SOCS5: variants seen among roughly 807,000 people sequenced by gnomAD.
The protein encoded by SOCS5 is CIS-6.
A neutral mutation model predicts 42.8 loss-of-function variants in SOCS5; 32 were observed. That is an observed-to-expected ratio of 0.75 (90% confidence interval 0.56 to 1.01). The LOEUF (loss-of-function observed/expected upper bound fraction) is 1.01. Among genes scored for constraint, SOCS5 ranks in the 50% least tolerant of loss-of-function variants. SOCS5 has a pLI of 0.00. For synonymous variants in SOCS5, 283 were observed against 229.6 expected (o/e 1.23, Z -2.10); for missense variants, 627 against 653.0 (o/e 0.96, Z 0.43).
At chr2:46,702,412 G>T (rs1553333984) in intron 1 of SOCS5, among the ~76,000 whole-genome samples, 2 of 152,114 alleles carry the variant, frequency 1.3e-5, no homozygotes, top group Non-Finnish European at 2.9e-5. Context: ...TAGAGTGAAT[G>T]TGTTACTGTT....
intron 1 of SOCS5, among the ~76,000 whole-genome samples, chr2:46,703,654 A>G (rs1426717005): frequency 6.6e-6 from 1 of 152,222 alleles, no homozygotes; most frequent in African/African-American, 2.4e-5. Context: ...AAAGATAATT[A>G]TGCCATTGTG....
chr2:46,744,464 G>A (rs181075481), intron 1 of SOCS5, among the ~76,000 whole-genome samples: 17 of 151,804 alleles, frequency 1.1e-4, no homozygotes, highest in African/African-American at 4.1e-4. Flanking sequence ...ATTACAGTTA[G>A]AACATAGAAA....
At chr2:46,720,188 G>A (rs1002529016) in intron 1 of SOCS5, among the ~76,000 whole-genome samples, 16 of 152,252 alleles carry the variant, frequency 1.1e-4, no homozygotes, top group African/African-American at 3.9e-4. Flanking sequence ...TCCAAGTAAA[G>A]TGATTAGTAC....
intron 1 of SOCS5, among the ~76,000 whole-genome samples, chr2:46,752,068 G>T (rs764444155): frequency 1.3e-5 from 2 of 152,130 alleles, no homozygotes; most frequent in Non-Finnish European, 2.9e-5. Flanking sequence ...AGACTGTACG[G>T]CCCACAAAAC....
intron 1 of SOCS5, among the ~76,000 whole-genome samples, chr2:46,734,492 T>TA: frequency 6.6e-6 from 1 of 152,216 alleles, no homozygotes; most frequent in East Asian, 1.9e-4. Flanking sequence ...TTCATTGGCC[T>TA]TAGTTCACTT....
chr2:46,759,515 A>T lies in SOCS5; in HGVS notation c.985A>T (p.Thr329Ser). 1 of 1,614,008 alleles carries T rather than the reference A, an allele frequency of 6.2e-7. No homozygotes were observed. The highest frequency in any genetic ancestry group is 8.5e-7 in the Non-Finnish European group (1 of 1,179,868). ...QANCDSEEDT[T>S]TLCLQSRRQK... ...TAATTGTGACTCGGAAGAGGATACA[A>T]CCACCCTGTGTTTGCAGTCACGGAG... Residue 329 changes from threonine to serine, a missense_variant, in exon 2 of 2, where the codon ACC (threonine) becomes TCC (serine). Physicochemically the swap from Thr to Ser is moderately conservative, Grantham distance 58 (BLOSUM62 1). Transcript: ENST00000394861.
intron 1 of SOCS5, among the ~76,000 whole-genome samples, chr2:46,746,467 C>T (rs910435020): frequency 4.6e-5 from 7 of 151,980 alleles, no homozygotes; most frequent in Admixed American, 2.0e-4. Flanking sequence ...CTGGCTAACA[C>T]GGTGAAAACC....
Position 46,747,096 on chromosome 2 carries a change from CAA to C in SOCS5, c.-12-11421_-12-11420del, listed in dbSNP as rs143855107. 3.3e-3 allele frequency among the ~76,000 whole-genome samples: 508 copies of C among 152,030 alleles called. 5 individuals are homozygous for C. Among genetic ancestry groups the C allele is most frequent in the African/African-American group, 0.012 (486 of 41,480 alleles). On this transcript the variant is annotated intron_variant, in intron 1 of 1. Transcript: ENST00000394861. ...TGAGCAAAGATTTTAATTACTGATT[CAA>C]AGTCTTTAACGGCTACTGATTTTTA...
chr2:46,726,426 T>C (rs951003993), intron 1 of SOCS5, among the ~76,000 whole-genome samples: 2 of 152,172 alleles, frequency 1.3e-5, no homozygotes, highest in African/African-American at 4.8e-5. Flanking sequence ...TTGGTTTCTC[T>C]GTGCTTCTAG....
In SOCS5 at chr2:46,758,455, C is replaced by G. The variant is rs1558414404; in HGVS notation, c.-12-64C>G. On this transcript the variant is annotated intron_variant, in intron 1 of 1. Coordinates refer to ENST00000394861, the MANE Select transcript of SOCS5 (RefSeq NM_144949.3). ...GGACGGGAAGGGGTGTGGGCACTGC[C>G]TTAGCTACCTTCACATGCTACTTTG... 3.4e-6 allele frequency: 4 copies of G among 1,167,186 alleles called. No individual in the cohort carries two copies. The Admixed American group carries it at 7.2e-5, about 21-fold the overall frequency. The allele number at this position is 1,167,186 out of a possible 1,614,324, so 72.3% of individuals were successfully genotyped here.
rs1423909762 is a variant in SOCS5, at chr2:46,699,490, C to T, written c.-13+41C>T. On this transcript the variant is annotated intron_variant, in intron 1 of 1. Transcript: ENST00000394861. The surrounding 1 kb of genome is among the most constrained non-coding windows in gnomAD (Gnocchi z 4.8). ...GTCGCGCCCGGCCCGCCGCCTGCTC[C>T]CCGGCCCCCGCGCCGTCGTCCGCGG... 1 of 151,838 alleles carries T rather than the reference C, an allele frequency of 6.6e-6. No homozygotes were observed. Among genetic ancestry groups the T allele is most frequent in the Non-Finnish European group, 1.5e-5 (1 of 67,784 alleles). The allele number at this position is 151,838 out of a possible 1,614,324, so 9.4% of individuals were successfully genotyped here.
At chr2:46,700,621 TAGC>T (rs1305656635) in intron 1 of SOCS5, among the ~76,000 whole-genome samples, 1 of 152,256 alleles carries the variant, frequency 6.6e-6, no homozygotes, top group Non-Finnish European at 1.5e-5. Context: ...GGTGGTAAGC[TAGC>T]AGCTCTATTA....
chr2:46,732,352 C>T (rs1183415875), intron 1 of SOCS5, among the ~76,000 whole-genome samples: 4 of 151,964 alleles, frequency 2.6e-5, no homozygotes, highest in South Asian at 2.1e-4. Flanking sequence ...TGAGACTTGC[C>T]GAATGAGTGT....
chr2:46,740,537 A>C (rs1370372059), intron 1 of SOCS5, among the ~76,000 whole-genome samples: 1 of 152,160 alleles, frequency 6.6e-6, no homozygotes, highest in Non-Finnish European at 1.5e-5. Context: ...ATCAAGAGAG[A>C]GATAGGAGGG....
At chr2:46,748,212 G>T in intron 1 of SOCS5, among the ~76,000 whole-genome samples, 2 of 136,362 alleles carry the variant, frequency 1.5e-5, no homozygotes, top group African/African-American at 2.7e-5. Context: ...TTTTGACACA[G>T]TCTCACTCTG....
chr2:46,701,167 A>G (rs1287709919), intron 1 of SOCS5, among the ~76,000 whole-genome samples: 1 of 152,214 alleles, frequency 6.6e-6, no homozygotes, highest in African/African-American at 2.4e-5. Context: ...TTTTAACATT[A>G]TAATAGCTTC....
rs752991722 is a variant in SOCS5, at chr2:46,758,929, G to A, written c.399G>A (p.Gln133=). ...AACATTCCTGTTCTACAAAGACCCA[G>A]AGTTCATTGGATGCTGATAAAAAGT... ...KKKHSCSTKT[Q]SSLDADKKFG... is the part of the protein sequence containing the mutation. Residue 133 remains glutamine (Q), a synonymous_variant, in exon 2 of 2, where the codon CAG becomes CAA. Transcript: ENST00000394861. The A allele has an allele frequency of 1.2e-6, 2 of 1,613,984 alleles. No individual in the cohort carries two copies. The highest frequency in any genetic ancestry group is 1.3e-5 in the African/African-American group (1 of 75,058).
chr2:46,727,599 T>C (rs538402986), intron 1 of SOCS5, among the ~76,000 whole-genome samples: 1 of 152,298 alleles, frequency 6.6e-6, no homozygotes, highest in East Asian at 1.9e-4. Flanking sequence ...CCTGTAGTGC[T>C]TCGCTGTTTG....
In SOCS5 at chr2:46,758,734, A is replaced by C. The variant is rs144455168; in HGVS notation, c.204A>C (p.Gly68=). 2.4e-5 allele frequency: 38 copies of C among 1,614,036 alleles called. No homozygotes were observed. Among genetic ancestry groups the C allele is most frequent in the Non-Finnish European group, 2.9e-5 (34 of 1,180,002 alleles). The change falls in exon 2 of 2, where the codon GGA becomes GGC. Residue 68 remains glycine (G), a synonymous_variant. Coordinates refer to ENST00000394861, the MANE Select transcript of SOCS5 (RefSeq NM_144949.3). ...GAGAAAATATTGCCTTACAACTGGG[A>C]TTAAGCCCTTCGAAGAATTCTTCAA... ...PLRENIALQL[G]LSPSKNSSRR...
Sources: gnomAD v4.1 joint callset for allele counts (sites outside exome capture counted in the v4.1 genomes callset) on GRCh38, gnomAD v4.1.1 for gene constraint, Gnocchi (gnomAD v3.1) non-coding constraint, MANE v1.5 for transcripts, NCBI Gene and HGNC (gene_info 2026-07-23, HGNC 2026-07-21) for gene names.